Variants in TDRKH observed in about 807,000 individuals in gnomAD.
The protein encoded by TDRKH is tudor and KH domain containing, also known as tudor and KH domain-containing protein.
A neutral mutation model predicts 61.3 loss-of-function variants in TDRKH; 28 were observed. That is an observed-to-expected ratio of 0.46 (90% confidence interval 0.34 to 0.63). The LOEUF (loss-of-function observed/expected upper bound fraction) is 0.63. TDRKH is among the 20% of genes least tolerant of loss of function. The probability of loss-of-function intolerance (pLI) is 0.01; values close to 1 mark genes in which losing one functional copy is unlikely to be tolerated. For missense variants in TDRKH, 540 were observed against 683.4 expected, an observed-to-expected ratio of 0.79 and a Z score of 2.34; for synonymous variants, 219 against 244.4, an observed-to-expected ratio of 0.90 and a Z score of 0.97.
chr1:151,774,369 T>C lies in TDRKH; in HGVS notation c.*83A>G. ...CAAAGCAAGTGCCCCACTGTCGCCC[T>C]CATTACTTTCCTGTTGCTACAGATA... On this transcript the variant is annotated 3_prime_UTR_variant, in exon 13 of 13. Transcript: ENST00000368824. The C allele has an allele frequency of 2.7e-6, 4 of 1,483,356 alleles. No individual in the cohort carries two copies. The highest frequency in any genetic ancestry group is 3.7e-6 in the Non-Finnish European group (4 of 1,074,174). 91.9% of individuals were successfully genotyped at this position (1,483,356 alleles called of 1,614,324 possible).
intron 10 of TDRKH, 79 bp downstream of exon 10, chr1:151,775,313 G>C: frequency 6.4e-7 from 1 of 1,556,244 alleles, no homozygotes; most frequent in South Asian, 1.2e-5. Context: ...ATCAGATAAG[G>C]GTTTCTGAGG....
At position 151,778,830 on chromosome 1, in the gene TDRKH, C is replaced by T. The variant is rs776277715; in HGVS notation, c.738G>A (p.Pro246=). ...LWKNTSSSME[P]TAPLVTPPPK... is the part of the protein sequence containing the mutation. ...GTGGAGGAGTCACCAGGGGTGCAGTCGGCTCCATGCTAGAACTGGTGTTTT... is the reference window on the plus strand; with the variant it reads ...GTGGAGGAGTCACCAGGGGTGCAGTTGGCTCCATGCTAGAACTGGTGTTTT... The change falls in exon 6 of 13, where the codon CCG becomes CCA. Residue 246 remains proline, a synonymous_variant. Transcript: ENST00000368824. 8.1e-6 allele frequency: 13 copies of T among 1,614,036 alleles called. No individual in the cohort carries two copies. The highest frequency in any genetic ancestry group is 1.6e-4 in the Middle Eastern group (1 of 6,084).
At chr1:151,776,074 T>C (rs780433505) in intron 8 of TDRKH, 22 bp downstream of exon 8, 7 of 1,602,092 alleles carry the variant, frequency 4.4e-6, no homozygotes, top group Middle Eastern at 1.7e-4. Flanking sequence ...GCAGTTGGGA[T>C]TGAGCTGACC....
intron 2 of TDRKH, 173 bp downstream of exon 2, chr1:151,782,726 T>A (rs1649947703): frequency 1.5e-6 from 1 of 683,578 alleles, no homozygotes. Context: ...GCCAAGATTG[T>A]GCCACTGTAC....
chr1:151,781,672 CAA>C, intron 2 of TDRKH, 85 bp from the exon 3 acceptor site: 2 of 1,140,772 alleles, frequency 1.8e-6, no homozygotes, highest in Non-Finnish European at 2.6e-6. Flanking sequence ...ATCTGGCTGT[CAA>C]AGAGACACTG....
At chr1:151,776,717 G>A in intron 6 of TDRKH, 118 bp from the exon 7 acceptor site, 1 of 1,185,422 alleles carries the variant, frequency 8.4e-7, no homozygotes, top group Non-Finnish European at 1.2e-6. Context: ...TAAAATGGCA[G>A]GAGAGGCAAC....
In TDRKH at chr1:151,779,089, T is replaced by C. The variant is rs1190368441; in HGVS notation, c.561+14A>G. 6.2e-7 allele frequency: 1 copy of C among 1,613,958 alleles called. No individual in the cohort carries two copies. The highest frequency in any genetic ancestry group is 1.7e-5 in the Admixed American group (1 of 59,990). ...CTCATGCTCAGGTATAATTCAAGTC[T>C]ATTAGCTACTTGCCTTGGCTGCTGC... On this transcript the variant is annotated intron_variant, in intron 5 of 12. Transcript: ENST00000368824.
downstream of TDRKH, among the ~76,000 whole-genome samples, chr1:151,768,457 T>C (rs1648451025): frequency 1.3e-5 from 2 of 152,204 alleles, no homozygotes; most frequent in Admixed American, 6.5e-5. Flanking sequence ...GGAAGTACTT[T>C]CTAGCTGTTC....
chr1:151,784,399 T>G (rs1650123435), intron 1 of TDRKH, among the ~76,000 whole-genome samples: 1 of 152,250 alleles, frequency 6.6e-6, no homozygotes, highest in Admixed American at 6.5e-5. Context: ...AAAGGAAAAC[T>G]CGAGTGTCAA....
downstream of TDRKH, chr1:151,771,429 C>A: frequency 8.2e-7 from 1 of 1,212,282 alleles, no homozygotes; most frequent in Non-Finnish European, 1.1e-6. Context: ...ATCACAGGGA[C>A]CTGAACTACG....
At chr1:151,766,956 A>G, downstream of TDRKH, 1 of 1,459,862 alleles carries the variant, frequency 6.8e-7, no homozygotes. Flanking sequence ...AGAATTTGAA[A>G]GAATTTCCCA....
downstream of TDRKH, chr1:151,770,153 G>A (rs1421881262): frequency 8.1e-6 from 13 of 1,612,936 alleles, no homozygotes; most frequent in Middle Eastern, 1.6e-4. Flanking sequence ...CATTTTAACT[G>A]TTTTTCTGTG....
intron 9 of TDRKH, 69 bp downstream of exon 9, chr1:151,775,751 T>C: frequency 6.4e-7 from 1 of 1,557,202 alleles, no homozygotes; most frequent in Non-Finnish European, 8.8e-7. Flanking sequence ...ATGTGAGAAT[T>C]CCTTCCAATG....
chr1:151,788,874 T>A (rs1650608443), intron 1 of TDRKH, among the ~76,000 whole-genome samples: 1 of 152,194 alleles, frequency 6.6e-6, no homozygotes, highest in Non-Finnish European at 1.5e-5. Flanking sequence ...TTGCTATGGG[T>A]TTCCACAGAA....
downstream of TDRKH, among the ~76,000 whole-genome samples, chr1:151,767,717 G>T (rs1331939616): frequency 6.6e-6 from 1 of 152,146 alleles, no homozygotes; most frequent in Non-Finnish European, 1.5e-5. Flanking sequence ...TGAAAAAAGT[G>T]GAAATTATTA....
At chr1:151,770,490 T>C (rs1648639305), downstream of TDRKH, 1 of 480,482 alleles carries the variant, frequency 2.1e-6, no homozygotes, top group Non-Finnish European at 3.6e-6. Context: ...GAAGGAGCAC[T>C]GGTGAAATTA....
intron 10 of TDRKH, 85 bp downstream of exon 10, chr1:151,775,307 G>A: frequency 6.4e-7 from 1 of 1,555,836 alleles, no homozygotes; most frequent in Non-Finnish European, 8.7e-7. Context: ...AGTAATATCA[G>A]ATAAGGGTTT....
chr1:151,775,159 TC>T lies in TDRKH; in HGVS notation c.1441del (p.Asp481IlefsTer4). 6.2e-7 allele frequency: 1 copy of T among 1,613,968 alleles called. No homozygotes were observed. The highest frequency in any genetic ancestry group is 8.5e-7 in the Non-Finnish European group (1 of 1,179,980). The part of the protein sequence containing the change: ...LYDTSNGKKL[D>X]IGLELVHKGY... ...TTTGTGTACTAATTCTAGCCCAATA[TC>T]AAGTTTCTGAGAAGAAAAATGAAAA... is the stretch of plus-strand genomic sequence containing the variant. On this transcript the variant is annotated frameshift_variant, in exon 11 of 13. Coordinates refer to ENST00000368824, the MANE Select transcript of TDRKH (RefSeq NM_001083965.2). LOFTEE classifies it high-confidence loss of function.
At position 151,779,833 on chromosome 1, in the gene TDRKH, C is replaced by T. The variant is rs572088855; in HGVS notation, c.421+118G>A. On this transcript the variant is annotated intron_variant, in intron 4 of 12. Coordinates refer to ENST00000368824, the MANE Select transcript of TDRKH (RefSeq NM_001083965.2). Reference sequence around the variant, plus strand: ...ACAGTAAACCTCTGGTCTCAATGTCCCTTTTTTTCCCCTCACATGGTGAAG... The same window carrying T: ...ACAGTAAACCTCTGGTCTCAATGTCTCTTTTTTTCCCCTCACATGGTGAAG... 8.5e-5 allele frequency: 91 copies of T among 1,066,022 alleles called. No homozygotes were observed. In the African/African-American group the frequency reaches 1.1e-3, roughly 13 times the overall value. The allele number at this position is 1,066,022 out of a possible 1,614,324, so 66.0% of individuals were successfully genotyped here. A position where few individuals can be genotyped will look rare whatever the true frequency, so the allele number is the denominator to read the frequency against.
Sources: gnomAD v4.1 joint callset for allele counts (sites outside exome capture counted in the v4.1 genomes callset) on GRCh38, gnomAD v4.1.1 for gene constraint, MANE v1.5 for transcripts, NCBI Gene and HGNC (gene_info 2026-07-23, HGNC 2026-07-21) for gene names.